The following CA1 variants were observed in gnomAD, a reference collection of about 807,000 sequenced individuals.
CA1 encodes carbonate dehydratase I.
Under a neutral mutation model 28.8 loss-of-function variants are expected in CA1, and 27 were observed. That is an observed-to-expected ratio of 0.94 (90% CI 0.69 to 1.29). The LOEUF (loss-of-function observed/expected upper bound fraction) is 1.29, where lower values mean the gene tolerates loss of function less well. CA1 is among the 50% of genes most tolerant of loss of function. CA1 has a pLI of 0.00. For synonymous variants in CA1, 121 were observed against 108.8 expected (o/e 1.11, Z -0.70); for missense variants, 335 against 310.5 (o/e 1.08, Z -0.59).
intron 1 of CA1, among the ~76,000 whole-genome samples, chr8:85,371,370 AAGTT>A (rs1810220218): frequency 1.3e-5 from 2 of 152,176 alleles, no homozygotes; most frequent in Admixed American, 1.3e-4. Context: ...ATTATGATAA[AAGTT>A]AGGTTTGTTT....
At chr8:85,359,349 T>C (rs1490731528) in intron 1 of CA1, among the ~76,000 whole-genome samples, 1 of 152,180 alleles carries the variant, frequency 6.6e-6, no homozygotes, top group African/African-American at 2.4e-5. Context: ...AGAATTAACA[T>C]GGTGGGTTTT....
intron 1 of CA1, among the ~76,000 whole-genome samples, chr8:85,344,383 A>T (rs777075390): frequency 2.7e-5 from 4 of 145,588 alleles, no homozygotes; most frequent in Non-Finnish European, 4.5e-5. Flanking sequence ...TTTATTTATT[A>T]ACACCAATTA....
intron 7 of CA1, among the ~76,000 whole-genome samples, chr8:85,329,479 T>A (rs1808305845): frequency 1.3e-5 from 2 of 151,752 alleles, no homozygotes; most frequent in African/African-American, 4.8e-5. Flanking sequence ...GCGGGAGTCA[T>A]TTTTTTTCTG....
chr8:85,361,604 G>T (rs555031856), intron 1 of CA1, among the ~76,000 whole-genome samples: 1 of 152,244 alleles, frequency 6.6e-6, no homozygotes, highest in South Asian at 2.1e-4. Context: ...TTGAACCCAG[G>T]GGGTGGAGGT....
At chr8:85,373,470 T>G (rs927581134) in intron 1 of CA1, 4 of 152,172 alleles carry the variant, frequency 2.6e-5, no homozygotes, top group South Asian at 2.1e-4. Context: ...ACAAGAAAGG[T>G]GAGTACAGTA....
In CA1 at chr8:85,369,073, GCCTTGAA is replaced by G. The variant is rs1347407088; in HGVS notation, c.-25+8966_-25+8972del. ...CAAGGAAGTAGCCATTTCTCTCCCA[GCCTTGAA>G]CCCTGATCTCTGGGTTCTTCCCTCT... On this transcript the variant is annotated intron_variant, in intron 1 of 7. Coordinates refer to ENST00000523022, the MANE Select transcript of CA1 (RefSeq NM_001128831.4). Among the ~76,000 whole-genome samples, 7 of 152,252 alleles carry G rather than the reference GCCTTGAA, an allele frequency of 4.6e-5. 1 individual carries two copies. In the East Asian group the frequency reaches 1.2e-3, roughly 25 times the overall value.
At chr8:85,373,032 G>T (rs1250688398) in intron 1 of CA1, among the ~76,000 whole-genome samples, 1 of 152,196 alleles carries the variant, frequency 6.6e-6, no homozygotes, top group Non-Finnish European at 1.5e-5. Context: ...AAAGCTCTTG[G>T]CTTAATAAGG....
intron 1 of CA1, among the ~76,000 whole-genome samples, chr8:85,365,269 A>G (rs1809961947): frequency 6.6e-6 from 1 of 152,264 alleles, no homozygotes; most frequent in Non-Finnish European, 1.5e-5. Flanking sequence ...TAAACTTAAC[A>G]GGCGCTTCAT....
At chr8:85,344,142 A>AAATATTAAATT (rs1219766855) in intron 1 of CA1, among the ~76,000 whole-genome samples, 18 of 135,230 alleles carry the variant, frequency 1.3e-4, no homozygotes, top group Non-Finnish European at 2.8e-4. Flanking sequence ...TATATATATA[A>AAATATTAAATT]TTATATATTA....
At position 85,329,560 on chromosome 8, in the gene CA1, T is replaced by G. The variant is rs997405805; in HGVS notation, c.669+129A>C. On this transcript the variant is annotated intron_variant, in intron 7 of 7. Coordinates refer to ENST00000523022, the MANE Select transcript of CA1 (RefSeq NM_001128831.4). ...ATAAACCTATGTCCCCAAATTAATA[T>G]TTTTAAGTTGGGAGGAAAAATGAAC... is the stretch of plus-strand genomic sequence containing the variant. 10 of 849,084 alleles carry G rather than the reference T, an allele frequency of 1.2e-5. No homozygotes were observed. In the African/African-American group the frequency reaches 1.5e-4, roughly 13 times the overall value. The allele number at this position is 849,084 out of a possible 1,614,324, so 52.6% of individuals were successfully genotyped here.
chr8:85,332,931 G>A (rs1230096764), intron 5 of CA1, among the ~76,000 whole-genome samples: 1 of 152,074 alleles, frequency 6.6e-6, no homozygotes, highest in Non-Finnish European at 1.5e-5. Flanking sequence ...CTCAGTAAAG[G>A]TTAAGTAGAA....
At chr8:85,330,676 A>C (rs146014346) in intron 6 of CA1, among the ~76,000 whole-genome samples, 1 of 152,264 alleles carries the variant, frequency 6.6e-6, no homozygotes, top group African/African-American at 2.4e-5. Context: ...AAAGGGCATT[A>C]ACTTTTATCA....
At chr8:85,377,183 A>T (rs1810453113) in intron 1 of CA1, among the ~76,000 whole-genome samples, 1 of 152,214 alleles carries the variant, frequency 6.6e-6, no homozygotes, top group South Asian at 2.1e-4. Flanking sequence ...TCAATTTTAA[A>T]GTACAAGAGC....
intron 1 of CA1, among the ~76,000 whole-genome samples, chr8:85,373,921 T>G (rs574440148): frequency 1.2e-4 from 19 of 152,160 alleles, no homozygotes; most frequent in African/African-American, 4.6e-4. Flanking sequence ...CTGCCAGAGC[T>G]CGGGGGAGGA....
At chr8:85,376,481 G>A (rs1357378590) in intron 1 of CA1, among the ~76,000 whole-genome samples, 2 of 151,952 alleles carry the variant, frequency 1.3e-5, no homozygotes, top group African/African-American at 4.8e-5. Context: ...GGCCAACATG[G>A]TGAAACCCTG....
intron 4 of CA1, 80 bp from the exon 5 acceptor site, chr8:85,333,700 TATG>T (rs1478386839): frequency 2.3e-6 from 2 of 874,704 alleles, no homozygotes; most frequent in East Asian, 5.4e-5. Flanking sequence ...CTTGTTACCA[TATG>T]ATGATGTATC....
chr8:85,373,093 ATCT>A (rs1810289998), intron 1 of CA1, among the ~76,000 whole-genome samples: 1 of 152,226 alleles, frequency 6.6e-6, no homozygotes, highest in Non-Finnish European at 1.5e-5. Context: ...GTAAGAACAA[ATCT>A]TCTATCCAGG....
At chr8:85,365,405 A>T (rs1452305202) in intron 1 of CA1, among the ~76,000 whole-genome samples, 1 of 152,214 alleles carries the variant, frequency 6.6e-6, no homozygotes, top group African/African-American at 2.4e-5. Flanking sequence ...ATAAACCTCT[A>T]TGACTTAAGA....
At chr8:85,354,288 T>A (rs1445407745) in intron 1 of CA1, among the ~76,000 whole-genome samples, 1 of 53,186 alleles carries the variant, frequency 1.9e-5, no homozygotes, top group Non-Finnish European at 3.5e-5. Context: ...TTTTCTTTCT[T>A]TTTTTTCTTT....
Sources: gnomAD v4.1 joint callset for allele counts (sites outside exome capture counted in the v4.1 genomes callset) on GRCh38, gnomAD v4.1.1 for gene constraint, MANE v1.5 for transcripts, NCBI Gene and HGNC (gene_info 2026-07-23, HGNC 2026-07-21) for gene names.